ZNF33B: variants seen among roughly 807,000 people sequenced by gnomAD.
ZNF33B encodes zinc finger protein 11b (KOX 2).
In ZNF33B, 29 loss-of-function variants were observed where a neutral mutation model predicts 45.8. That is an observed-to-expected ratio of 0.63 (90% confidence interval 0.47 to 0.86). The LOEUF (loss-of-function observed/expected upper bound fraction) is 0.86, where lower values mean the gene tolerates loss of function less well. ZNF33B is among the 40% of genes least tolerant of loss of function. The pLI is 0.00. For missense variants in ZNF33B, 831 were observed against 909.9 expected (o/e 0.91, Z 1.12); for synonymous variants, 305 against 307.8 (o/e 0.99, Z 0.10).
Position 42,594,254 on chromosome 10 carries a change from T to C in ZNF33B, c.696A>G (p.Ala232=), listed in dbSNP as rs1837294645. 3 of 1,613,872 alleles carry C rather than the reference T, an allele frequency of 1.9e-6. No individual in the cohort carries two copies. Among genetic ancestry groups the C allele is most frequent in the Non-Finnish European group, 2.5e-6 (3 of 1,179,932 alleles). The change falls in exon 5 of 5, where the codon GCA becomes GCG. Residue 232 remains alanine, a synonymous_variant. Transcript: ENST00000359467. ...SICQETLLEK[A]VFNTRKRENA... is the part of the protein sequence containing the mutation. Reference sequence around the variant, plus strand: ...TCTCTCTCTTCCGTGTATTGAATACTGCCTTTTCAAGGAGGGTTTCCTGAC... The same window carrying C: ...TCTCTCTCTTCCGTGTATTGAATACCGCCTTTTCAAGGAGGGTTTCCTGAC...
chr10:42,637,915 A>C (rs1433414271), intron 1 of ZNF33B, among the ~76,000 whole-genome samples: 1 of 152,208 alleles, frequency 6.6e-6, no homozygotes, highest in Non-Finnish European at 1.5e-5. Context: ...GGCCTCCCAA[A>C]GTGCAGGATT....
intron 4 of ZNF33B, among the ~76,000 whole-genome samples, chr10:42,614,726 C>A (rs1475674452): frequency 4.6e-5 from 7 of 152,068 alleles, no homozygotes; most frequent in Non-Finnish European, 8.8e-5. Flanking sequence ...GAGGCCAAGG[C>A]GGGTGGATCA....
chr10:42,629,617 TTA>T (rs138882899), intron 4 of ZNF33B, among the ~76,000 whole-genome samples: 3,467 of 152,288 alleles, frequency 0.023, 90 homozygotes, highest in Admixed American at 0.093. Context: ...AGATCATGTT[TTA>T]TGTTTTTTCC....
chr10:42,627,294 A>G (rs1040353608), intron 4 of ZNF33B, among the ~76,000 whole-genome samples: 1 of 152,176 alleles, frequency 6.6e-6, no homozygotes, highest in African/African-American at 2.4e-5. Flanking sequence ...ATGAGCCACC[A>G]CACCTGGCCT....
intron 4 of ZNF33B, among the ~76,000 whole-genome samples, chr10:42,619,839 G>A (rs1027141098): frequency 6.6e-5 from 10 of 152,116 alleles, no homozygotes; most frequent in African/African-American, 2.4e-4. Context: ...TAATCCTCAT[G>A]TTTAATTACA....
At chr10:42,600,479 G>A (rs1161298898) in intron 4 of ZNF33B, among the ~76,000 whole-genome samples, 1 of 152,116 alleles carries the variant, frequency 6.6e-6, no homozygotes, top group Non-Finnish European at 1.5e-5. Context: ...TCATCTGGCT[G>A]TCACAGCACT....
In ZNF33B at chr10:42,614,402, G is replaced by A. The variant is rs536825456; in HGVS notation, c.250+17527C>T. The A allele has an allele frequency of 5.2e-5, 8 of 152,918 alleles. 1 individual carries two copies. In the East Asian group the frequency reaches 1.5e-3, roughly 30 times the overall value. The allele number at this position is 152,918 out of a possible 1,614,324, so 9.5% of individuals were successfully genotyped here. ...TAAATGTAATATGGTGCCCTGGAAG[G>A]GATCCTGGAACAAAGAAGGACATTA... On this transcript the variant is annotated intron_variant, in intron 4 of 4. Transcript: ENST00000359467.
rs116231360 is a variant in ZNF33B, at chr10:42,592,542, C to T, written c.*71G>A. ...TGAACATTCAGGATGTCAACAGGCC[C>T]TTCTCCACAGTGTGAAGACTCTGAG... is the stretch of plus-strand genomic sequence containing the variant. On this transcript the variant is annotated 3_prime_UTR_variant, in exon 5 of 5. Transcript: ENST00000359467. The T allele has an allele frequency of 3.2e-3, 4,952 of 1,534,286 alleles. 145 individuals are homozygous for T. The African/African-American group carries it at 0.061, about 19-fold the overall frequency.
chr10:42,608,587 A>T (rs1837963493), intron 4 of ZNF33B, among the ~76,000 whole-genome samples: 1 of 152,212 alleles, frequency 6.6e-6, no homozygotes. Context: ...ATTAGAAAAA[A>T]TGCTATGAGG....
At chr10:42,583,663 T>G (rs1004018233) in intron 1 of ZNF33B, among the ~76,000 whole-genome samples, 1 of 152,166 alleles carries the variant, frequency 6.6e-6, no homozygotes, top group African/African-American at 2.4e-5. Context: ...TCTCCACTTT[T>G]GTGGGAAAAT....
chr10:42,637,160 C>T (rs1839343307), intron 1 of ZNF33B, among the ~76,000 whole-genome samples, 188 bp from the exon 2 acceptor site: 1 of 152,196 alleles, frequency 6.6e-6, no homozygotes, highest in African/African-American at 2.4e-5. Context: ...ACAACTCCAA[C>T]ATAACCATGT....
At chr10:42,610,968 A>G (rs1257517851) in intron 4 of ZNF33B, among the ~76,000 whole-genome samples, 1 of 152,240 alleles carries the variant, frequency 6.6e-6, no homozygotes, top group Non-Finnish European at 1.5e-5. Flanking sequence ...GTGAAATAAA[A>G]TTGAGAATTC....
At position 42,589,344 on chromosome 10, in the gene ZNF33B, G is replaced by T. The variant is rs1837009433; in HGVS notation, c.*3269C>A. On this transcript the variant is annotated 3_prime_UTR_variant, in exon 5 of 5. Transcript: ENST00000359467. ...ACTGAAGTCCAGAGTTGACACTAGG[G>T]TTTACTCTGTGTTTTCCGTTCACTG... The T allele has an allele frequency of 6.6e-6, 1 of 152,098 alleles. No individual in the cohort carries two copies. The highest frequency in any genetic ancestry group is 2.4e-5 in the African/African-American group (1 of 41,398). 9.4% of individuals were successfully genotyped at this position (152,098 alleles called of 1,614,324 possible).
At chr10:42,627,762 G>A (rs944663659) in intron 4 of ZNF33B, among the ~76,000 whole-genome samples, 2 of 151,994 alleles carry the variant, frequency 1.3e-5, no homozygotes, top group African/African-American at 4.8e-5. Flanking sequence ...TATTAAATTT[G>A]AGGCCCCTTC....
intron 2 of ZNF33B, among the ~76,000 whole-genome samples, chr10:42,636,084 G>A (rs1316363945): frequency 7.2e-5 from 11 of 151,854 alleles, no homozygotes; most frequent in South Asian, 2.1e-4. Flanking sequence ...AGCCAAGATC[G>A]TGCCACTGTA....
intron 4 of ZNF33B, among the ~76,000 whole-genome samples, chr10:42,621,113 G>A (rs1294020507): frequency 6.7e-6 from 1 of 150,066 alleles, no homozygotes; most frequent in Non-Finnish European, 1.5e-5. Flanking sequence ...CTTGATGCCA[G>A]GAGTCCAAGA....
rs564877553 is a variant in ZNF33B, at chr10:42,601,640, A to T, written c.251-6941T>A. The stretch of plus-strand genomic sequence containing the variant: ...AGGTGCCTGCCACCACACCCGGCTA[A>T]TTTTTGTATTTTTAGTAGAGACAGG... On this transcript the variant is annotated intron_variant, in intron 4 of 4. Transcript: ENST00000359467. Among the ~76,000 whole-genome samples, 3 of 151,418 alleles carry T rather than the reference A, an allele frequency of 2.0e-5. No individual in the cohort carries two copies. In the East Asian group the frequency reaches 5.9e-4, roughly 30 times the overall value.
rs71505624 is a variant in ZNF33B, at chr10:42,593,830, T to C, written c.1120A>G (p.Lys374Glu). The C allele has an allele frequency of 1.8e-3, 2,828 of 1,614,128 alleles. 5 individuals are homozygous for C. The highest frequency in any genetic ancestry group is 2.8e-3 in the Middle Eastern group (17 of 6,062). Reference protein sequence around the residue: ...KTFWEKSNLTKHQRSHTGEKP... With the variant: ...KTFWEKSNLTEHQRSHTGEKP... ...TCCCCTGTGTGTGATCTCTGATGTTTAGTGAGGTTTGACTTCTCCCAGAAA... is the reference window on the plus strand; with the variant it reads ...TCCCCTGTGTGTGATCTCTGATGTTCAGTGAGGTTTGACTTCTCCCAGAAA... Residue 374 changes from lysine to glutamate, a missense_variant, in exon 5 of 5, where the codon AAA becomes GAA. Transcript: ENST00000359467.
At chr10:42,583,058 CTCT>C in intron 1 of ZNF33B, 1 of 835,706 alleles carries the variant, frequency 1.2e-6, no homozygotes. Context: ...GTGCAGAGTC[CTCT>C]TCTTCCAGCA....
Sources: allele counts gnomAD v4.1 joint callset (sites outside exome capture counted in the v4.1 genomes callset), GRCh38; gene constraint gnomAD v4.1.1; transcripts MANE v1.5; gene names NCBI Gene and HGNC (gene_info 2026-07-23, HGNC 2026-07-21).